Variants in UBE2L3 observed in about 807,000 individuals in gnomAD.
The protein encoded by UBE2L3 is ubiquitin-conjugating enzyme E2 L3.
Under a neutral mutation model 17.8 loss-of-function variants are expected in UBE2L3, and 1 was observed. The ratio of observed to expected loss-of-function variants is 0.06; its 90% CI spans 0.02 to 0.27. The LOEUF (loss-of-function observed/expected upper bound fraction) is 0.27. UBE2L3 is among the 10% of genes least tolerant of loss of function. UBE2L3 has a pLI of 1.00. For missense variants in UBE2L3, 40 were observed against 192.6 expected (o/e 0.21, Z 4.69); for synonymous variants, 44 against 68.5 (o/e 0.64, Z 1.76).
At chr22:21,556,175 G>A (rs1926217367) in intron 1 of UBE2L3, among the ~76,000 whole-genome samples, 1 of 152,226 alleles carries the variant, frequency 6.6e-6, no homozygotes, top group South Asian at 2.1e-4. Flanking sequence ...AGACTGAAAT[G>A]AGCCATGAGT....
chr22:21,615,494 G>A (rs1234350281), intron 3 of UBE2L3, among the ~76,000 whole-genome samples: 1 of 151,226 alleles, frequency 6.6e-6, no homozygotes, highest in Non-Finnish European at 1.5e-5. Context: ...GGCGGAGATT[G>A]CAGTGAGCCG....
intron 3 of UBE2L3, among the ~76,000 whole-genome samples, chr22:21,617,195 G>A (rs1929825481): frequency 6.6e-6 from 1 of 151,474 alleles, no homozygotes; most frequent in South Asian, 2.1e-4. Flanking sequence ...AATATTATAG[G>A]CTTTATTCTC....
chr22:21,615,471 C>T (rs187314502), intron 3 of UBE2L3, among the ~76,000 whole-genome samples: 37 of 150,962 alleles, frequency 2.5e-4, no homozygotes, highest in African/African-American at 7.5e-4. Flanking sequence ...AGGAGAATGG[C>T]GTGAACCTGG....
At chr22:21,595,009 T>C (rs1462168663) in intron 2 of UBE2L3, among the ~76,000 whole-genome samples, 1 of 152,244 alleles carries the variant, frequency 6.6e-6, no homozygotes, top group Non-Finnish European at 1.5e-5. Context: ...CTGCTGGGCA[T>C]GCTCTGCCCC....
intron 3 of UBE2L3, among the ~76,000 whole-genome samples, chr22:21,615,719 C>G (rs1045317002): frequency 2.0e-5 from 3 of 152,178 alleles, no homozygotes; most frequent in Non-Finnish European, 2.9e-5. Context: ...TCAATACTCT[C>G]GGCACTCGTC....
chr22:21,610,335 A>G (rs147039208), intron 2 of UBE2L3, among the ~76,000 whole-genome samples: 17 of 152,352 alleles, frequency 1.1e-4, no homozygotes, highest in African/African-American at 4.1e-4. Flanking sequence ...CAGACATAGC[A>G]GCTACATATT....
upstream of UBE2L3, among the ~76,000 whole-genome samples, chr22:21,563,431 G>A (rs1926520173): frequency 1.4e-5 from 2 of 144,360 alleles, no homozygotes; most frequent in Non-Finnish European, 3.0e-5. Flanking sequence ...GCGTGGTGGC[G>A]GGCTCCCGTA....
In UBE2L3 at chr22:21,597,774, G is replaced by GTTTTTTTT. The variant is rs1568981113; in HGVS notation, c.123+4818_123+4819insTTTTTTTT. 6.8e-5 allele frequency among the ~76,000 whole-genome samples: 5 copies of GTTTTTTTT among 73,532 alleles called. No individual in the cohort carries two copies. In the East Asian group the frequency reaches 3.3e-3, roughly 49 times the overall value. 48.2% of individuals were successfully genotyped at this position (73,532 alleles called of 152,430 possible). On this transcript the variant is annotated intron_variant, in intron 2 of 3. Transcript: ENST00000342192. Reference sequence around the variant, plus strand: ...TGGATCTTTGATCCATTTATATGTAGATTTTTTTTTTTTTTTTTTTTTTTT... The same window carrying GTTTTTTTT: ...TGGATCTTTGATCCATTTATATGTAGTTTTTTTTATTTTTTTTTTTTTTTTTTTTTTTT...
At chr22:21,607,332 C>T (rs919162694) in intron 2 of UBE2L3, among the ~76,000 whole-genome samples, 3 of 151,292 alleles carry the variant, frequency 2.0e-5, no homozygotes, top group Non-Finnish European at 4.4e-5. Flanking sequence ...CATGGTGAAA[C>T]CCCATCTCTA....
At chr22:21,584,020 C>T (rs908158136) in intron 1 of UBE2L3, among the ~76,000 whole-genome samples, 2 of 151,344 alleles carry the variant, frequency 1.3e-5, no homozygotes, top group Non-Finnish European at 2.9e-5. Flanking sequence ...GGATTACAGG[C>T]GTGTGCCACC....
upstream of UBE2L3, among the ~76,000 whole-genome samples, chr22:21,564,145 C>T (rs1926553296): frequency 6.6e-6 from 1 of 151,676 alleles, no homozygotes; most frequent in Admixed American, 6.6e-5. Context: ...AAGTGATCCT[C>T]TCACTTCAGC....
In UBE2L3 at chr22:21,621,782, G is replaced by A. The variant is rs1601449272; in HGVS notation, c.*113G>A. The A allele has an allele frequency of 1.6e-5, 12 of 752,536 alleles. No individual in the cohort carries two copies. Among genetic ancestry groups the A allele is most frequent in the South Asian group, 9.8e-5 (5 of 51,250 alleles). The allele number at this position is 752,536 out of a possible 1,614,324, so 46.6% of individuals were successfully genotyped here. A position where few individuals can be genotyped will look rare whatever the true frequency, so the allele number is the denominator to read the frequency against. On this transcript the variant is annotated 3_prime_UTR_variant, in exon 4 of 4. Transcript: ENST00000342192. ...TGACACGTGCCACCGCCTGGCGTTC[G>A]CTTGTGGCAGTTACTAACTTTCTAC...
chr22:21,566,788 C>T (rs1242672376), upstream of UBE2L3, among the ~76,000 whole-genome samples: 3 of 151,986 alleles, frequency 2.0e-5, no homozygotes, highest in Non-Finnish European at 4.4e-5. Context: ...GCTGCTTCCT[C>T]TGCTTGAAAC....
chr22:21,587,086 A>G (rs1202776796), intron 1 of UBE2L3, among the ~76,000 whole-genome samples: 1 of 151,564 alleles, frequency 6.6e-6, no homozygotes, highest in Non-Finnish European at 1.5e-5. Flanking sequence ...GGGTTTCACC[A>G]TGTCAGCCAG....
intron 2 of UBE2L3, among the ~76,000 whole-genome samples, chr22:21,598,835 C>T (rs1042456792): frequency 2.8e-5 from 4 of 143,066 alleles, no homozygotes; most frequent in East Asian, 4.4e-4. Context: ...TGCCCCCACC[C>T]GCCTAGTTCC....
chr22:21,576,305 G>C (rs1568972648), intron 1 of UBE2L3, among the ~76,000 whole-genome samples: 1 of 141,622 alleles, frequency 7.1e-6, no homozygotes, highest in Non-Finnish European at 1.6e-5. Context: ...GTTTTTTTTT[G>C]TTTTTTTTTT....
intron 1 of UBE2L3, among the ~76,000 whole-genome samples, chr22:21,572,417 C>T (rs561277414): frequency 5.2e-4 from 35 of 67,144 alleles, no homozygotes; most frequent in Non-Finnish European, 8.5e-4. Flanking sequence ...TGCGAGACTC[C>T]GTCTCAAAAA....
intron 2 of UBE2L3, among the ~76,000 whole-genome samples, chr22:21,601,175 AAATCAATC>A (rs764614092): frequency 1.3e-5 from 2 of 152,114 alleles, no homozygotes; most frequent in African/African-American, 2.4e-5. Context: ...TTTCAAAGAA[AAATCAATC>A]AATCAATCAA....
At chr22:21,556,498 C>T (rs1407634354) in intron 1 of UBE2L3, among the ~76,000 whole-genome samples, 8 of 152,370 alleles carry the variant, frequency 5.3e-5, no homozygotes, top group East Asian at 1.9e-4. Flanking sequence ...GGCGTGATCT[C>T]GGCATACTGC....
Sources: allele counts gnomAD v4.1 joint callset (sites outside exome capture counted in the v4.1 genomes callset), GRCh38; gene constraint gnomAD v4.1.1; transcripts MANE v1.5; gene names NCBI Gene and HGNC (gene_info 2026-07-23, HGNC 2026-07-21).